MLLT10: variants seen among roughly 807,000 people sequenced by gnomAD.
The protein encoded by MLLT10 is MLLT10 histone lysine methyltransferase DOT1L cofactor.
A neutral mutation model predicts 129.1 loss-of-function variants in MLLT10; 30 were observed. The observed-to-expected ratio is 0.23, with a 90% CI of 0.17 to 0.32. The LOEUF (loss-of-function observed/expected upper bound fraction) is 0.32. Among genes scored for constraint, MLLT10 ranks in the 10% least tolerant of loss-of-function variants. The pLI is 1.00. For synonymous variants in MLLT10, 490 were observed against 446.4 expected, an observed-to-expected ratio of 1.10 and a Z score of -1.23; for missense variants, 1,119 against 1,268.3, an observed-to-expected ratio of 0.88 and a Z score of 1.79.
chr10:21,715,909 T>TGA (rs1252464025), intron 14 of MLLT10, among the ~76,000 whole-genome samples: 1 of 152,250 alleles, frequency 6.6e-6, no homozygotes, highest in Non-Finnish European at 1.5e-5. Context: ...TGCTGTGTAC[T>TGA]GAGATACCTA....
chr10:21,708,376 T>C (rs2055735706), intron 13 of MLLT10, among the ~76,000 whole-genome samples: 1 of 152,200 alleles, frequency 6.6e-6, no homozygotes, highest in Admixed American at 6.5e-5. Flanking sequence ...AGCATATGAC[T>C]TAAGATGAAA....
intron 3 of MLLT10, among the ~76,000 whole-genome samples, chr10:21,552,204 G>A (rs2037166540): frequency 6.6e-6 from 1 of 152,012 alleles, no homozygotes; most frequent in African/African-American, 2.4e-5. Flanking sequence ...GGGACTACAG[G>A]CGTGAGCTAC....
At chr10:21,580,109 C>G (rs2041242681) in intron 3 of MLLT10, among the ~76,000 whole-genome samples, 1 of 151,338 alleles carries the variant, frequency 6.6e-6, no homozygotes, top group Non-Finnish European at 1.5e-5. Flanking sequence ...GCCTCAAACT[C>G]CCAGGCACAA....
intron 3 of MLLT10, among the ~76,000 whole-genome samples, chr10:21,570,637 A>T (rs2040101658): frequency 6.6e-6 from 1 of 151,598 alleles, no homozygotes; most frequent in Admixed American, 6.6e-5. Flanking sequence ...TGGGTTGTAA[A>T]TCTCAAAGTG....
intron 3 of MLLT10, among the ~76,000 whole-genome samples, chr10:21,575,624 A>C (rs2040650875): frequency 6.6e-6 from 1 of 152,138 alleles, no homozygotes; most frequent in South Asian, 2.1e-4. Context: ...TGGGGTATGC[A>C]CCAAGTTTAC....
Position 21,614,917 on chromosome 10 carries a change from G to C in MLLT10, c.596G>C (p.Ser199Thr). 1 of 1,601,158 alleles carries C rather than the reference G, an allele frequency of 6.2e-7. No individual in the cohort carries two copies. Among genetic ancestry groups the C allele is most frequent in the Non-Finnish European group, 8.5e-7 (1 of 1,174,262 alleles). Reference protein sequence around the residue: ...QYCGYCKYHFSKLKKSKRGSN... With the variant: ...QYCGYCKYHFTKLKKSKRGSN... ...TGTGGCTACTGTAAATACCATTTTA[G>C]TAAGCTGGTAAGAATTTCTCTTGGA... Residue 199 changes from serine to threonine, a missense_variant, in exon 7 of 23, where the codon AGT becomes ACT. Ser to Thr is a moderately conservative substitution (Grantham distance 58, BLOSUM62 1). Coordinates refer to ENST00000307729, the MANE Select transcript of MLLT10 (RefSeq NM_001195626.3).
intron 4 of MLLT10, among the ~76,000 whole-genome samples, chr10:21,590,698 T>C (rs1369030184): frequency 6.6e-6 from 1 of 152,206 alleles, no homozygotes; most frequent in East Asian, 1.9e-4. Flanking sequence ...AATTACCCCG[T>C]TGTTATTCCT....
chr10:21,671,395 TC>T (rs2051390283), intron 10 of MLLT10, among the ~76,000 whole-genome samples: 1 of 152,080 alleles, frequency 6.6e-6, no homozygotes, highest in Admixed American at 6.6e-5. Flanking sequence ...GTGGCTCACA[TC>T]TATAATCCTA....
At chr10:21,603,496 C>T (rs565910109) in intron 5 of MLLT10, among the ~76,000 whole-genome samples, 4 of 152,080 alleles carry the variant, frequency 2.6e-5, no homozygotes, top group Admixed American at 6.6e-5. Context: ...TTATAACATT[C>T]GTTTATTAAG....
In MLLT10 at chr10:21,740,203, C is replaced by A; in HGVS notation, c.3129C>A (p.Thr1043=). Residue 1043 remains threonine, a synonymous_variant, in exon 22 of 23, where the codon ACC becomes ACA. Transcript: ENST00000307729. ...CAGCTACCACCAACCCATTTCTCAC[C>A]ATCCATGGAGATAATGCAAGTCAGA... ...LHTATTNPFL[T]IHGDNASQKV... The A allele has an allele frequency of 6.2e-7, 1 of 1,614,162 alleles. No individual in the cohort carries two copies.
chr10:21,694,298 G>A (rs2131446972), intron 13 of MLLT10, among the ~76,000 whole-genome samples: 1 of 152,242 alleles, frequency 6.6e-6, no homozygotes, highest in Admixed American at 6.5e-5. Flanking sequence ...AATGTTTTTG[G>A]AGATCACAGC....
intron 8 of MLLT10, among the ~76,000 whole-genome samples, chr10:21,641,041 C>G (rs192045162): frequency 9.2e-5 from 14 of 152,244 alleles, no homozygotes; most frequent in Admixed American, 8.5e-4. Context: ...AGGACCAGGC[C>G]TAGAGGTGAC....
At chr10:21,738,335 T>C (rs1245124776) in intron 21 of MLLT10, 1 of 1,156,120 alleles carries the variant, frequency 8.6e-7, no homozygotes, top group African/African-American at 1.6e-5. Context: ...TTGCCTCATC[T>C]TAATATGAGC....
At chr10:21,670,874 T>G in intron 10 of MLLT10, 170 bp downstream of exon 10, 1 of 690,560 alleles carries the variant, frequency 1.4e-6, no homozygotes, top group Non-Finnish European at 2.2e-6. Context: ...CCTATTAAAT[T>G]TTTTTAATAG....
intron 3 of MLLT10, among the ~76,000 whole-genome samples, chr10:21,552,317 G>A (rs1041439840): frequency 4.1e-5 from 6 of 147,178 alleles, no homozygotes; most frequent in African/African-American, 1.5e-4. Flanking sequence ...TATTTGTTCT[G>A]TATTTCAGCT....
chr10:21,540,391 CAA>C (rs770542365), intron 3 of MLLT10, among the ~76,000 whole-genome samples: 11 of 131,392 alleles, frequency 8.4e-5, no homozygotes, highest in Non-Finnish European at 1.0e-4. Flanking sequence ...GAGACTGTTT[CAA>C]AAAAAAAAAA....
intron 9 of MLLT10, among the ~76,000 whole-genome samples, chr10:21,667,941 C>T (rs774755398): frequency 2.0e-5 from 3 of 152,018 alleles, no homozygotes; most frequent in Non-Finnish European, 4.4e-5. Context: ...ATAAAAATGA[C>T]GTGTATTCTG....
chr10:21,630,470 CAT>C (rs1445638040), intron 8 of MLLT10, among the ~76,000 whole-genome samples: 1 of 152,210 alleles, frequency 6.6e-6, no homozygotes, highest in Non-Finnish European at 1.5e-5. Context: ...CATTTATACA[CAT>C]CTTGTGAGTG....
At position 21,557,696 on chromosome 10, in the gene MLLT10, C is replaced by T. The variant is rs1035193609; in HGVS notation, c.240+18784C>T. Reference sequence around the variant, plus strand: ...GCCCCTTTTACCAGAAGAAGGGGCTCTCTAGAAGAATCCTGGAAAGGACTC... The same window carrying T: ...GCCCCTTTTACCAGAAGAAGGGGCTTTCTAGAAGAATCCTGGAAAGGACTC... On this transcript the variant is annotated intron_variant, in intron 3 of 22. Coordinates refer to ENST00000307729, the MANE Select transcript of MLLT10 (RefSeq NM_001195626.3). 11 of 152,092 alleles carry T rather than the reference C, an allele frequency of 7.2e-5. 1 individual carries two copies. Among genetic ancestry groups the T allele is most frequent in the African/African-American group, 2.7e-4 (11 of 41,388 alleles). 9.4% of individuals were successfully genotyped at this position (152,092 alleles called of 1,614,324 possible).
Sources: gnomAD v4.1 joint callset for allele counts (sites outside exome capture counted in the v4.1 genomes callset) on GRCh38, gnomAD v4.1.1 for gene constraint, MANE v1.5 for transcripts, NCBI Gene and HGNC (gene_info 2026-07-23, HGNC 2026-07-21) for gene names.